IL17D: variants seen among roughly 807,000 people sequenced by gnomAD.
The protein encoded by IL17D is interleukin-17D.
In IL17D, 10 loss-of-function variants were observed where a neutral mutation model predicts 5.7. The observed-to-expected ratio is 1.75, with a 90% confidence interval of 1.08 to 2.97. IL17D has a LOEUF of 2.97. IL17D is among the 30% of genes most tolerant of loss of function. The pLI, the probability that IL17D is intolerant of heterozygous loss-of-function variation, is 0.00. For missense variants in IL17D, 354 were observed against 292.7 expected (o/e 1.21, Z -1.53); for synonymous variants, 172 against 141.7 (o/e 1.21, Z -1.52).
At chr13:20,711,350 G>A (rs1168227810) in intron 1 of IL17D, among the ~76,000 whole-genome samples, 1 of 130,136 alleles carries the variant, frequency 7.7e-6, no homozygotes, top group African/African-American at 2.9e-5. Flanking sequence ...GGCATCTGGT[G>A]AGAGTCGTCC....
At chr13:20,705,357 G>C (rs2058583766) in intron 1 of IL17D, among the ~76,000 whole-genome samples, 1 of 152,026 alleles carries the variant, frequency 6.6e-6, no homozygotes, top group Non-Finnish European at 1.5e-5. Context: ...TGCCTGTGGG[G>C]TGGGCATCGA....
rs1269184047 is a variant in IL17D at position 20,718,583 on chromosome 13, GCC to G, written c.291-3049_291-3048del. On this transcript the variant is annotated intron_variant, in intron 1 of 1. Coordinates refer to ENST00000682841, the MANE Select transcript of IL17D (RefSeq NM_001385224.1). ...CACATACCTGCCCATGCTCACACCTGCCCCCACACACCTGCCCACACTCAGAC... is the reference window on the plus strand; with the variant it reads ...CACATACCTGCCCATGCTCACACCTGCCCACACACCTGCCCACACTCAGAC... Among the ~76,000 whole-genome samples the G allele has an allele frequency of 4.3e-5, 4 of 92,156 alleles. No homozygotes were observed. The Admixed American group carries it at 5.4e-4, about 13-fold the overall frequency. 60.5% of individuals were successfully genotyped at this position (92,156 alleles called of 152,430 possible).
chr13:20,718,738 T>C (rs2058704151), intron 1 of IL17D, among the ~76,000 whole-genome samples: 1 of 94,220 alleles, frequency 1.1e-5, no homozygotes, highest in African/African-American at 4.6e-5. Context: ...ATGGCTACGC[T>C]CACACACACC....
upstream of IL17D, chr13:20,702,883 T>C (rs1055350323): frequency 4.6e-5 from 7 of 152,226 alleles, no homozygotes; most frequent in Non-Finnish European, 8.8e-5. Context: ...AACCTCTAAT[T>C]TCCTCGAAGT....
rs1048312902 is a variant in IL17D, at chr13:20,716,044, A to G, written c.291-5592A>G. ...GCCACCGCGCCCGGCCAGAATCGACACTTTTAACAGGAGTCCCATATAGGC... is the reference window on the plus strand; with the variant it reads ...GCCACCGCGCCCGGCCAGAATCGACGCTTTTAACAGGAGTCCCATATAGGC... On this transcript the variant is annotated intron_variant, in intron 1 of 1. Coordinates refer to ENST00000682841, the MANE Select transcript of IL17D (RefSeq NM_001385224.1). This position sits in a 1 kb window ranked among gnomAD's most constrained non-coding sequence, Gnocchi z 4.2. 8.5e-5 allele frequency: 83 copies of G among 982,146 alleles called. No individual in the cohort carries two copies. The highest frequency in any genetic ancestry group is 9.9e-5 in the Non-Finnish European group (82 of 827,022). 60.8% of individuals were successfully genotyped at this position (982,146 alleles called of 1,614,324 possible).
chr13:20,710,030 A>G (rs1271829724), intron 1 of IL17D, among the ~76,000 whole-genome samples: 1 of 152,190 alleles, frequency 6.6e-6, no homozygotes, highest in East Asian at 1.9e-4. Context: ...CAGACAGGAA[A>G]TAGTAGAGCC....
chr13:20,719,174 G>A (rs867357861), intron 1 of IL17D, among the ~76,000 whole-genome samples: 5 of 125,996 alleles, frequency 4.0e-5, no homozygotes, highest in South Asian at 2.7e-4. Context: ...CATCACGCAC[G>A]CCTGCCTACA....
rs1429539864 is a variant in IL17D, at chr13:20,721,642, C to G, written c.297C>G (p.Ser99=). The change falls in exon 2 of 2, where the codon TCC becomes TCG. Residue 99 remains serine (S), a synonymous_variant. Transcript: ENST00000682841. ...CCGTGCTCTCTCCCTGCAGAATCTC[C>G]TACGACCCGGCGAGGTACCCCAGGT... ...RSVSPWAYRI[S]YDPARYPRYL... 1.3e-6 allele frequency: 2 copies of G among 1,595,842 alleles called. No individual in the cohort carries two copies. Among genetic ancestry groups the G allele is most frequent in the Non-Finnish European group, 1.7e-6 (2 of 1,169,230 alleles).
In IL17D at chr13:20,722,242, G is replaced by T; in HGVS notation, c.*288G>T. The T allele has an allele frequency of 2.5e-6, 1 of 402,152 alleles. No homozygotes were observed. Among genetic ancestry groups the T allele is most frequent in the Non-Finnish European group, 4.4e-6 (1 of 226,508 alleles). The allele number at this position is 402,152 out of a possible 1,614,324, so 24.9% of individuals were successfully genotyped here. On this transcript the variant is annotated 3_prime_UTR_variant, in exon 2 of 2. Coordinates refer to ENST00000682841, the MANE Select transcript of IL17D (RefSeq NM_001385224.1). ...CATGGAGGGTTTGGAAAAGTTCACG[G>T]AGGCTCCCTGAGGAGCCTCTCAGAT...
Position 20,721,938 on chromosome 13 carries a change from C to G in IL17D, c.593C>G (p.Ala198Gly). 6.3e-7 allele frequency: 1 copy of G among 1,596,900 alleles called. No homozygotes were observed. Among genetic ancestry groups the G allele is most frequent in the South Asian group, 1.1e-5 (1 of 90,314 alleles). The change falls in exon 2 of 2, where the codon GCG becomes GGG. Residue 198 changes from alanine (A) to glycine (G), a missense_variant. Physicochemically the swap from Ala to Gly is moderately conservative, Grantham distance 60 (BLOSUM62 0). Transcript: ENST00000682841. ...AAGCTCCTGCTGGGCCCCAACGACG[C>G]GCCCGCTGGCCCCTGAGGCCGGTCC... ...GAKLLLGPND[A>G]PAGP
At chr13:20,714,422 G>C (rs936040250) in intron 1 of IL17D, among the ~76,000 whole-genome samples, 8 of 152,202 alleles carry the variant, frequency 5.3e-5, no homozygotes, top group Non-Finnish European at 1.2e-4. Flanking sequence ...GGGGCAGTGC[G>C]GGCGGCTGGG....
upstream of IL17D, chr13:20,701,859 C>A (rs1268266443): frequency 1.3e-5 from 2 of 152,184 alleles, no homozygotes; most frequent in Non-Finnish European, 2.9e-5. Context: ...TGATCTTTCA[C>A]AAAATGAAAA....
At position 20,716,869 on chromosome 13, in the gene IL17D, C is replaced by G. The variant is rs9509349; in HGVS notation, c.291-4767C>G. On this transcript the variant is annotated intron_variant, in intron 1 of 1. Coordinates refer to ENST00000682841, the MANE Select transcript of IL17D (RefSeq NM_001385224.1). The surrounding 1 kb of genome is among the most constrained non-coding windows in gnomAD (Gnocchi z 4.2). ...AGCCCCTGCTGCTCTGAAATCATTT[C>G]ATGTTTTGCAAGGTGGGAGGGTGAG... 0.11 allele frequency among the ~76,000 whole-genome samples: 16,208 copies of G among 152,240 alleles called. 1,045 individuals carry two copies. The highest frequency in any genetic ancestry group is 0.15 in the Non-Finnish European group (10,134 of 68,004).
rs1301937799 is a variant in IL17D at position 20,704,208 on chromosome 13, G to A, written c.207G>A (p.Ala69=). Residue 69 remains alanine, a synonymous_variant, in exon 1 of 2, where the codon GCG becomes GCA. Transcript: ENST00000682841. ...QLGPREQARN[A]SCPAGGRPAD... Reference sequence around the variant, plus strand: ...GGCCGCGTGAGCAGGCGCGCAACGCGAGCTGCCCGGCAGGGGGCAGGCCCG... The same window carrying A: ...GGCCGCGTGAGCAGGCGCGCAACGCAAGCTGCCCGGCAGGGGGCAGGCCCG... 5 of 1,370,350 alleles carry A rather than the reference G, an allele frequency of 3.6e-6. No individual in the cohort carries two copies. The highest frequency in any genetic ancestry group is 4.7e-6 in the Non-Finnish European group (5 of 1,056,912). The allele number at this position is 1,370,350 out of a possible 1,614,324, so 84.9% of individuals were successfully genotyped here. A position where few individuals can be genotyped will look rare whatever the true frequency, so the allele number is the denominator to read the frequency against.
At chr13:20,708,022 C>T (rs1214509888) in intron 1 of IL17D, among the ~76,000 whole-genome samples, 3 of 152,238 alleles carry the variant, frequency 2.0e-5, no homozygotes, top group East Asian at 1.9e-4. Flanking sequence ...AAGCAATTCT[C>T]CTGTCTCAGC....
Position 20,720,962 on chromosome 13 carries a change from A to T in IL17D, c.291-674A>T, listed in dbSNP as rs1034945114. Among the ~76,000 whole-genome samples, 3 of 145,454 alleles carry T rather than the reference A, an allele frequency of 2.1e-5. No homozygotes were observed. The Admixed American group carries it at 2.2e-4, about 11-fold the overall frequency. On this transcript the variant is annotated intron_variant, in intron 1 of 1. Transcript: ENST00000682841. ...CCATTTCCAATGGCGAGAACACACC[A>T]TTTCTAGACTCTTCACCTCCCAGGC...
chr13:20,711,769 A>G (rs1002581009), intron 1 of IL17D, among the ~76,000 whole-genome samples: 3 of 152,232 alleles, frequency 2.0e-5, no homozygotes, highest in Non-Finnish European at 4.4e-5. Flanking sequence ...GGAAATCACA[A>G]GAAAATAAAT....
At position 20,716,216 on chromosome 13, in the gene IL17D, T is replaced by C; in HGVS notation, c.291-5420T>C. ...CTCAGTGTCCCCAGAGGACGGCGGA[T>C]GTCTTGGTATTACCATGGTTGTATA... is the stretch of plus-strand genomic sequence containing the variant. On this transcript the variant is annotated intron_variant, in intron 1 of 1. Transcript: ENST00000682841. This position sits in a 1 kb window ranked among gnomAD's most constrained non-coding sequence, Gnocchi z 4.2. 2.7e-6 allele frequency: 1 copy of C among 364,622 alleles called. No homozygotes were observed. The highest frequency in any genetic ancestry group is 3.8e-6 in the Non-Finnish European group (1 of 262,364). The allele number at this position is 364,622 out of a possible 1,614,324, so 22.6% of individuals were successfully genotyped here. A position where few individuals can be genotyped will look rare whatever the true frequency, so the allele number is the denominator to read the frequency against.
At chr13:20,709,140 CTTTTT>C (rs61612538) in intron 1 of IL17D, among the ~76,000 whole-genome samples, 1 of 137,248 alleles carries the variant, frequency 7.3e-6, no homozygotes, top group Non-Finnish European at 1.5e-5. Flanking sequence ...CTAAGAAGCC[CTTTTT>C]TTTTTTTTTT....
Sources: allele counts gnomAD v4.1 joint callset (sites outside exome capture counted in the v4.1 genomes callset), GRCh38; gene constraint gnomAD v4.1.1; non-coding constraint Gnocchi (gnomAD v3.1); transcripts MANE v1.5; gene names NCBI Gene and HGNC (gene_info 2026-07-23, HGNC 2026-07-21).